MTUS2: variants seen among roughly 807,000 people sequenced by gnomAD.
MTUS2 encodes microtubule associated scaffold protein 2.
Under a neutral mutation model 114.1 loss-of-function variants are expected in MTUS2, and 40 were observed. The observed-to-expected ratio is 0.35, with a 90% confidence interval of 0.27 to 0.46. The LOEUF is 0.46. Among genes scored for constraint, MTUS2 ranks in the 20% least tolerant of loss-of-function variants. MTUS2 has a pLI of 1.00. For missense variants in MTUS2, 1,679 were observed against 1,705.4 expected (o/e 0.98, Z 0.27); for synonymous variants, 688 against 672.0 (o/e 1.02, Z -0.37).
At chr13:29,150,002 C>CT (rs1436155072) in intron 5 of MTUS2, among the ~76,000 whole-genome samples, 11 of 152,092 alleles carry the variant, frequency 7.2e-5, no homozygotes, top group African/African-American at 2.7e-4. Flanking sequence ...TATTTGGACT[C>CT]TGTTTTGACT....
chr13:29,204,946 C>A (rs1296289144), intron 5 of MTUS2, among the ~76,000 whole-genome samples: 2 of 152,168 alleles, frequency 1.3e-5, no homozygotes, highest in Non-Finnish European at 2.9e-5. Flanking sequence ...CCCAGATGAT[C>A]TGGGGGACCA....
At position 28,854,908 on chromosome 13, in the gene MTUS2, G is replaced by A. The variant is rs559695240; in HGVS notation, c.-243+15058G>A. Among the ~76,000 whole-genome samples the A allele has an allele frequency of 2.7e-3, 253 of 94,108 alleles. 2 individuals are homozygous for A. Among genetic ancestry groups the A allele is most frequent in the African/African-American group, 6.4e-3 (235 of 36,634 alleles). 61.7% of individuals were successfully genotyped at this position (94,108 alleles called of 152,430 possible). ...GCTCCCACTGGATGGGCTCATGGTG[G>A]TTCCATCTCCCTCCTGGGGATGCTC... is the stretch of plus-strand genomic sequence containing the variant. On this transcript the variant is annotated intron_variant, in intron 2 of 15. Coordinates refer to ENST00000612955, the MANE Select transcript of MTUS2 (RefSeq NM_001033602.4).
intron 2 of MTUS2, among the ~76,000 whole-genome samples, chr13:28,922,746 C>T (rs951785226): frequency 6.6e-6 from 1 of 152,176 alleles, no homozygotes; most frequent in Non-Finnish European, 1.5e-5. Context: ...TTTCCTACCC[C>T]CCTTCAGTGC....
chr13:29,505,068 C>T lies in MTUS2; in HGVS notation c.*1862C>T. On this transcript the variant is annotated 3_prime_UTR_variant, in exon 16 of 16. Transcript: ENST00000612955. ...TACACAGTAAATCCACATGGAAACACCACCATTTCTCTTTGCTTTAGTGGC... is the reference window on the plus strand; with the variant it reads ...TACACAGTAAATCCACATGGAAACATCACCATTTCTCTTTGCTTTAGTGGC... 4.3e-6 allele frequency: 1 copy of T among 232,310 alleles called. No homozygotes were observed. Among genetic ancestry groups the T allele is most frequent in the Non-Finnish European group, 8.5e-6 (1 of 117,390 alleles). 14.4% of individuals were successfully genotyped at this position (232,310 alleles called of 1,614,324 possible).
In MTUS2 at chr13:29,334,344, C is replaced by T. The variant is rs9551649; in HGVS notation, c.2905+9633C>T. ...GGTATGTTTTTGCAGTTGCTGGTAC[C>T]GGTTATTCCTTTCCATGTTTAATGC... On this transcript the variant is annotated intron_variant, in intron 7 of 15. Coordinates refer to ENST00000612955, the MANE Select transcript of MTUS2 (RefSeq NM_001033602.4). 3.0e-3 allele frequency among the ~76,000 whole-genome samples: 460 copies of T among 152,180 alleles called. 14 individuals are homozygous for T. In the East Asian group the frequency reaches 0.074, roughly 25 times the overall value.
At chr13:29,220,021 G>A (rs925829715) in intron 5 of MTUS2, among the ~76,000 whole-genome samples, 1 of 149,780 alleles carries the variant, frequency 6.7e-6, no homozygotes, top group Admixed American at 6.6e-5. Flanking sequence ...TTGAGACAGA[G>A]TTTTGCTCTT....
At chr13:29,309,983 C>A (rs915114798) in intron 6 of MTUS2, among the ~76,000 whole-genome samples, 3 of 151,810 alleles carry the variant, frequency 2.0e-5, no homozygotes, top group Non-Finnish European at 4.4e-5. Context: ...CAGTAGTCAC[C>A]CTGTTGTCCT....
At chr13:29,458,391 A>T (rs1014178577) in intron 9 of MTUS2, among the ~76,000 whole-genome samples, 2 of 152,268 alleles carry the variant, frequency 1.3e-5, no homozygotes, top group Admixed American at 6.5e-5. Context: ...TCCGCATAAA[A>T]GTATTCTAGG....
At chr13:29,492,174 GT>G (rs1882209038) in intron 11 of MTUS2, among the ~76,000 whole-genome samples, 2 of 143,570 alleles carry the variant, frequency 1.4e-5, no homozygotes, top group Admixed American at 1.4e-4. Context: ...TGTATGTGAT[GT>G]GTGTGGTAGG....
At chr13:28,977,912 A>G (rs919327717) in intron 2 of MTUS2, among the ~76,000 whole-genome samples, 1 of 152,136 alleles carries the variant, frequency 6.6e-6, no homozygotes, top group Non-Finnish European at 1.5e-5. Flanking sequence ...TCAGCATCAC[A>G]CTTTTTGCCA....
At chr13:29,402,567 G>A (rs550154936) in intron 8 of MTUS2, among the ~76,000 whole-genome samples, 2 of 152,260 alleles carry the variant, frequency 1.3e-5, no homozygotes, top group African/African-American at 4.8e-5. Flanking sequence ...GCAGGGGTGG[G>A]AAGCAAGGAA....
intron 4 of MTUS2, among the ~76,000 whole-genome samples, chr13:29,052,879 T>C (rs1019347662): frequency 5.3e-5 from 8 of 151,950 alleles, no homozygotes; most frequent in African/African-American, 1.2e-4. Context: ...ATGGGGGTGG[T>C]TTTCTTATCC....
chr13:28,956,884 G>C (rs1883095931), intron 2 of MTUS2, among the ~76,000 whole-genome samples: 1 of 151,412 alleles, frequency 6.6e-6, no homozygotes, highest in African/African-American at 2.4e-5. Flanking sequence ...GAAAGAAAGT[G>C]TGATGGCGAC....
chr13:28,888,809 G>A lies in MTUS2; in HGVS notation c.-243+48959G>A, dbSNP rs116316381. Among the ~76,000 whole-genome samples, 550 of 143,128 alleles carry A rather than the reference G, an allele frequency of 3.8e-3. 5 individuals are homozygous for A. Among genetic ancestry groups the A allele is most frequent in the African/African-American group, 0.016 (540 of 34,832 alleles). 93.9% of individuals were successfully genotyped at this position (143,128 alleles called of 152,430 possible). A position where few individuals can be genotyped will look rare whatever the true frequency, so the allele number is the denominator to read the frequency against. The stretch of plus-strand genomic sequence containing the variant: ...ATCTTGTAAAATCTGAAAAACAAGA[G>A]ATATTTCGAGAGAGAGAATTGGTCC... On this transcript the variant is annotated intron_variant, in intron 2 of 15. Coordinates refer to ENST00000612955, the MANE Select transcript of MTUS2 (RefSeq NM_001033602.4).
intron 2 of MTUS2, among the ~76,000 whole-genome samples, chr13:29,020,610 T>C (rs1886252880): frequency 6.6e-6 from 1 of 152,252 alleles, no homozygotes; most frequent in South Asian, 2.1e-4. Context: ...TTAAATTTGC[T>C]TTTCCTGTCT....
At chr13:29,252,255 T>A (rs1162226604) in intron 5 of MTUS2, among the ~76,000 whole-genome samples, 1 of 152,178 alleles carries the variant, frequency 6.6e-6, no homozygotes, top group African/African-American at 2.4e-5. Context: ...GAGAAGTACT[T>A]CCAAGTCATG....
intron 6 of MTUS2, among the ~76,000 whole-genome samples, chr13:29,302,380 TGCCTTCAGGTCTTTGGGTCTATACACAGA>T: frequency 6.6e-6 from 1 of 152,260 alleles, no homozygotes; most frequent in East Asian, 1.9e-4. Flanking sequence ...TGTGAGCCCA[TGCCTTCAGGTCTTTGGGTCTATACACAGA>T]GCTGTGTGGA....
chr13:29,050,391 T>C (rs905367761), intron 4 of MTUS2, among the ~76,000 whole-genome samples: 2 of 152,118 alleles, frequency 1.3e-5, no homozygotes, highest in African/African-American at 2.4e-5. Context: ...AAATAAGATA[T>C]TCCAATCCAC....
chr13:29,453,061 C>G (rs1743527454), intron 9 of MTUS2, among the ~76,000 whole-genome samples: 1 of 152,168 alleles, frequency 6.6e-6, no homozygotes, highest in Non-Finnish European at 1.5e-5. Context: ...AACCCCAAAT[C>G]ACATACCTAT....
Sources: allele counts gnomAD v4.1 joint callset (sites outside exome capture counted in the v4.1 genomes callset), GRCh38; gene constraint gnomAD v4.1.1; transcripts MANE v1.5; gene names NCBI Gene and HGNC (gene_info 2026-07-23, HGNC 2026-07-21).